Variants in VAMP4 observed in about 807,000 individuals in gnomAD.
VAMP4 encodes the protein vesicle associated membrane protein 4.
A neutral mutation model predicts 23.5 loss-of-function variants in VAMP4; 19 were observed. The observed-to-expected ratio is 0.81, with a 90% confidence interval of 0.56 to 1.19. VAMP4 has a LOEUF of 1.19. Ranked by LOEUF, VAMP4 falls within the 50% of genes most tolerant of loss-of-function variation. The pLI is 0.00. For missense variants in VAMP4, 145 were observed against 168.6 expected (o/e 0.86, Z 0.78); for synonymous variants, 31 against 51.0 (o/e 0.61, Z 1.67).
intron 4 of VAMP4, among the ~76,000 whole-genome samples, chr1:171,718,376 C>T (rs969800141): frequency 6.6e-6 from 1 of 152,130 alleles, no homozygotes; most frequent in African/African-American, 2.4e-5. Context: ...GAACCTGGGC[C>T]ATGCAGTTCA....
chr1:171,713,220 C>G (rs1175345012), intron 4 of VAMP4, among the ~76,000 whole-genome samples: 1 of 151,910 alleles, frequency 6.6e-6, no homozygotes, highest in African/African-American at 2.4e-5. Flanking sequence ...ACTGTAGAGC[C>G]CTCCATTTAA....
chr1:171,738,305 T>C, intron 2 of VAMP4, 44 bp downstream of exon 2: 1 of 1,601,782 alleles, frequency 6.2e-7, no homozygotes, highest in Non-Finnish European at 8.5e-7. Context: ...AATGAAAACA[T>C]ATTTTGAATC....
intron 3 of VAMP4, among the ~76,000 whole-genome samples, chr1:171,725,373 G>C (rs1001281485): frequency 6.6e-6 from 1 of 152,106 alleles, no homozygotes; most frequent in Non-Finnish European, 1.5e-5. Flanking sequence ...ACCTGAGGCA[G>C]GAGAATCACT....
chr1:171,726,482 T>C (rs1655375132), intron 3 of VAMP4, among the ~76,000 whole-genome samples: 1 of 152,152 alleles, frequency 6.6e-6, no homozygotes, highest in Non-Finnish European at 1.5e-5. Context: ...CCTAGACCTG[T>C]CTGAGAGCTC....
intron 4 of VAMP4, among the ~76,000 whole-genome samples, chr1:171,714,333 T>C (rs536293051): frequency 1.3e-4 from 20 of 152,360 alleles, no homozygotes; most frequent in African/African-American, 3.1e-4. Context: ...CTTGTCCCCA[T>C]TGTTATACTA....
intron 6 of VAMP4, among the ~76,000 whole-genome samples, chr1:171,706,956 T>C (rs1291981233): frequency 6.6e-6 from 1 of 152,194 alleles, no homozygotes; most frequent in Non-Finnish European, 1.5e-5. Flanking sequence ...GTACATTAAT[T>C]TGCCCTGTTA....
intron 3 of VAMP4, among the ~76,000 whole-genome samples, chr1:171,721,929 A>C (rs1204245010): frequency 6.6e-6 from 1 of 152,190 alleles, no homozygotes; most frequent in African/African-American, 2.4e-5. Context: ...GGAACCAAAA[A>C]AGAGCCCACA....
intron 2 of VAMP4, among the ~76,000 whole-genome samples, chr1:171,729,892 C>T (rs371116744): frequency 2.0e-5 from 3 of 152,078 alleles, no homozygotes; most frequent in African/African-American, 7.2e-5. Flanking sequence ...GATGTGATCA[C>T]GGATCTTGAG....
intron 5 of VAMP4, 131 bp downstream of exon 5, chr1:171,710,583 C>G (rs1654818434): frequency 1.7e-6 from 1 of 595,030 alleles, no homozygotes; most frequent in East Asian, 3.2e-5. Flanking sequence ...AAAATTAAAC[C>G]ATTAAAATCA....
intron 2 of VAMP4, among the ~76,000 whole-genome samples, chr1:171,734,047 C>G (rs1655649375): frequency 6.6e-6 from 1 of 152,066 alleles, no homozygotes; most frequent in Non-Finnish European, 1.5e-5. Context: ...GTGGGTGAAT[C>G]ACCTGAGGTC....
intron 2 of VAMP4, among the ~76,000 whole-genome samples, chr1:171,729,628 A>G (rs114009542): frequency 6.2e-4 from 94 of 152,276 alleles, no homozygotes; most frequent in African/African-American, 1.9e-3. Context: ...TAGCTCCCCA[A>G]AGATGTTCAT....
chr1:171,704,657 T>G (rs1275086309), intron 7 of VAMP4, 123 bp from the exon 8 acceptor site: 1 of 641,178 alleles, frequency 1.6e-6, no homozygotes, highest in Non-Finnish European at 2.3e-6. Context: ...TTGACTGAAC[T>G]TTTATCTGAG....
chr1:171,713,115 G>A (rs1654905232), intron 4 of VAMP4, among the ~76,000 whole-genome samples: 1 of 152,096 alleles, frequency 6.6e-6, no homozygotes, highest in East Asian at 1.9e-4. Flanking sequence ...GGGGCAGAGT[G>A]GCCATTCAAT....
intron 4 of VAMP4, among the ~76,000 whole-genome samples, chr1:171,714,279 CA>C (rs894692934): frequency 2.0e-5 from 3 of 152,152 alleles, no homozygotes; most frequent in African/African-American, 7.2e-5. Context: ...TACATTTTCA[CA>C]ATAGTTATAG....
intron 2 of VAMP4, among the ~76,000 whole-genome samples, chr1:171,733,330 G>T (rs1403459750): frequency 2.0e-5 from 3 of 150,994 alleles, no homozygotes; most frequent in Non-Finnish European, 4.4e-5. Context: ...ATTAGGCGTG[G>T]TGGTGTATGC....
chr1:171,718,640 G>A (rs1315303831), intron 4 of VAMP4, among the ~76,000 whole-genome samples: 2 of 152,120 alleles, frequency 1.3e-5, no homozygotes, highest in African/African-American at 2.4e-5. Flanking sequence ...AATTCTGGAA[G>A]TAGATAAAAA....
chr1:171,740,414 C>G (rs1002589152), intron 1 of VAMP4, among the ~76,000 whole-genome samples: 1 of 152,118 alleles, frequency 6.6e-6, no homozygotes, highest in Non-Finnish European at 1.5e-5. Flanking sequence ...GCTTCACGAA[C>G]CAAATAAAAG....
At chr1:171,717,134 C>A (rs1043175611) in intron 4 of VAMP4, among the ~76,000 whole-genome samples, 1 of 152,148 alleles carries the variant, frequency 6.6e-6, no homozygotes, top group East Asian at 1.9e-4. Flanking sequence ...AGACCCCAAT[C>A]GGCAACATCC....
In VAMP4 at chr1:171,725,382, C is replaced by T. The variant is rs190919368; in HGVS notation, c.113+3142G>A. 2.2e-4 allele frequency among the ~76,000 whole-genome samples: 34 copies of T among 152,256 alleles called. No individual in the cohort carries two copies. In the East Asian group the frequency reaches 6.2e-3, roughly 28 times the overall value. ...TAGGGGACCTGAGGCAGGAGAATCACTTGAGGTCAGGAGTTCAAGACCAGC... is the reference window on the plus strand; with the variant it reads ...TAGGGGACCTGAGGCAGGAGAATCATTTGAGGTCAGGAGTTCAAGACCAGC... On this transcript the variant is annotated intron_variant, in intron 3 of 7. Transcript: ENST00000236192.
Sources: gnomAD v4.1 joint callset for allele counts (sites outside exome capture counted in the v4.1 genomes callset) on GRCh38, gnomAD v4.1.1 for gene constraint, MANE v1.5 for transcripts, NCBI Gene and HGNC (gene_info 2026-07-23, HGNC 2026-07-21) for gene names.